The following NLGN1 variants were observed in gnomAD, a reference collection of about 807,000 sequenced individuals.
NLGN1 encodes the protein neuroligin-1.
In NLGN1, 12 loss-of-function variants were observed where a neutral mutation model predicts 65.5. The ratio of observed to expected loss-of-function variants is 0.18; its 90% CI spans 0.12 to 0.30. NLGN1 has a LOEUF of 0.30. Among genes scored for constraint, NLGN1 ranks in the 10% least tolerant of loss-of-function variants. The pLI, the probability that NLGN1 is intolerant of heterozygous loss-of-function variation, is 1.00. For synonymous variants in NLGN1, 350 were observed against 359.5 expected, an observed-to-expected ratio of 0.97 and a Z score of 0.30; for missense variants, 750 against 1,007.1, an observed-to-expected ratio of 0.74 and a Z score of 3.46.
intron 3 of NLGN1, among the ~76,000 whole-genome samples, chr3:173,689,947 G>GATT (rs1056617662): frequency 6.6e-6 from 1 of 152,112 alleles, no homozygotes; most frequent in African/African-American, 2.4e-5. Flanking sequence ...ATAAGTGGGG[G>GATT]ATTAGTGTTA....
In NLGN1 at chr3:174,275,547, ATT is replaced by A. The variant is rs1325505807; in HGVS notation, c.859+23_859+24del. 6.4e-7 allele frequency: 1 copy of A among 1,558,702 alleles called. No homozygotes were observed. Among genetic ancestry groups the A allele is most frequent in the Non-Finnish European group, 8.8e-7 (1 of 1,132,204 alleles). ...CCAAAGGTATTATGCAAGGTTGCAAATTTTGACAATTTTGGTGTCTGCATGCC... is the reference window on the plus strand; with the variant it reads ...CCAAAGGTATTATGCAAGGTTGCAAATTGACAATTTTGGTGTCTGCATGCC... On this transcript the variant is annotated intron_variant, in intron 5 of 6. Coordinates refer to ENST00000457714, the Ensembl canonical transcript of NLGN1.
intron 1 of NLGN1, among the ~76,000 whole-genome samples, chr3:173,413,339 T>C (rs373667949): frequency 3.9e-5 from 6 of 152,168 alleles, no homozygotes; most frequent in South Asian, 2.1e-4. Flanking sequence ...CTGTGGCTCA[T>C]GCCTGTAACC....
At chr3:174,069,488 AG>A (rs1739366777) in intron 4 of NLGN1, among the ~76,000 whole-genome samples, 1 of 152,222 alleles carries the variant, frequency 6.6e-6, no homozygotes, top group African/African-American at 2.4e-5. Flanking sequence ...GGAATGTCCT[AG>A]GGACAATTTT....
intron 2 of NLGN1, among the ~76,000 whole-genome samples, chr3:173,445,516 CTAG>C (rs1489000379): frequency 6.6e-6 from 1 of 152,160 alleles, no homozygotes; most frequent in East Asian, 1.9e-4. Flanking sequence ...GATCTCATAG[CTAG>C]TACATGGCTG....
At chr3:173,955,339 G>C (rs1172886248) in intron 4 of NLGN1, among the ~76,000 whole-genome samples, 1 of 152,148 alleles carries the variant, frequency 6.6e-6, no homozygotes, top group Non-Finnish European at 1.5e-5. Flanking sequence ...ATAAAGAATT[G>C]TGTGTGGCAT....
intron 2 of NLGN1, among the ~76,000 whole-genome samples, chr3:173,503,008 A>C (rs1226364527): frequency 6.6e-6 from 1 of 152,030 alleles, no homozygotes; most frequent in Non-Finnish European, 1.5e-5. Context: ...TTTGCAACTT[A>C]TACAGCCTTA....
At chr3:174,114,685 T>G (rs1251837256) in intron 4 of NLGN1, among the ~76,000 whole-genome samples, 1 of 152,192 alleles carries the variant, frequency 6.6e-6, no homozygotes, top group Non-Finnish European at 1.5e-5. Context: ...TCATATTTTA[T>G]CTAACGCTGC....
intron 2 of NLGN1, among the ~76,000 whole-genome samples, chr3:173,591,775 T>C (rs145777218): frequency 1.1e-3 from 172 of 152,236 alleles, no homozygotes; most frequent in African/African-American, 3.9e-3. Flanking sequence ...CACACAAAAA[T>C]AAGCTTAAAG....
chr3:173,415,943 A>AGAGAGAGAGAGAGAGCGC (rs141095727), intron 1 of NLGN1, among the ~76,000 whole-genome samples: 2 of 142,828 alleles, frequency 1.4e-5, no homozygotes, highest in African/African-American at 5.6e-5. Flanking sequence ...AGAGAGAGAG[A>AGAGAGAGAGAGAGAGCGC]GCTTGGTATA....
intron 3 of NLGN1, among the ~76,000 whole-genome samples, chr3:173,686,337 C>G (rs1443399448): frequency 6.6e-6 from 1 of 150,732 alleles, no homozygotes; most frequent in Non-Finnish European, 1.5e-5. Context: ...GTAAAAATTT[C>G]TTTTACTTCC....
intron 4 of NLGN1, among the ~76,000 whole-genome samples, chr3:174,141,970 T>C (rs1427683409): frequency 2.0e-5 from 3 of 152,158 alleles, no homozygotes; most frequent in Non-Finnish European, 4.4e-5. Flanking sequence ...ACACGGCTTC[T>C]TAAAATCTAG....
chr3:173,435,877 G>A (rs584267), intron 2 of NLGN1, among the ~76,000 whole-genome samples: 5,189 of 152,142 alleles, frequency 0.034, 115 homozygotes, highest in Non-Finnish European at 0.053. Context: ...AAGTCTATAC[G>A]ATGCATTTAG....
At chr3:174,144,019 A>C (rs965650351) in intron 4 of NLGN1, among the ~76,000 whole-genome samples, 2 of 152,102 alleles carry the variant, frequency 1.3e-5, no homozygotes, top group African/African-American at 4.8e-5. Flanking sequence ...TGCACCCATC[A>C]ACCCATCATC....
chr3:173,913,551 CA>C (rs1305489849), intron 4 of NLGN1, among the ~76,000 whole-genome samples: 8 of 152,084 alleles, frequency 5.3e-5, no homozygotes, highest in South Asian at 2.1e-4. Context: ...AAGGCATTGA[CA>C]GGGGCAGCTG....
intron 4 of NLGN1, among the ~76,000 whole-genome samples, chr3:174,241,884 TC>T (rs1742929329): frequency 6.6e-6 from 1 of 152,086 alleles, no homozygotes; most frequent in South Asian, 2.1e-4. Context: ...GGTCTCGATC[TC>T]CTGACCTCGT....
chr3:173,564,878 A>G (rs181808989), intron 2 of NLGN1, among the ~76,000 whole-genome samples: 169 of 152,344 alleles, frequency 1.1e-3, no homozygotes, highest in African/African-American at 3.7e-3. Context: ...ATAGGAATTC[A>G]TAAGGAAAAT....
intron 2 of NLGN1, among the ~76,000 whole-genome samples, chr3:173,589,818 GA>G (rs1433118603): frequency 1.3e-5 from 2 of 152,104 alleles, no homozygotes; most frequent in Non-Finnish European, 2.9e-5. Context: ...ATGAATGGTA[GA>G]TCTACAGGAG....
At chr3:174,092,741 A>G (rs1266086669) in intron 4 of NLGN1, among the ~76,000 whole-genome samples, 1 of 152,178 alleles carries the variant, frequency 6.6e-6, no homozygotes, top group Non-Finnish European at 1.5e-5. Flanking sequence ...TGGCCACTTC[A>G]TGAAGATATA....
intron 3 of NLGN1, among the ~76,000 whole-genome samples, chr3:173,700,811 C>G (rs1767027866): frequency 6.6e-6 from 1 of 152,146 alleles, no homozygotes; most frequent in Non-Finnish European, 1.5e-5. Context: ...TAATAGGACT[C>G]TTAAGCTCTA....
Sources: gnomAD v4.1 joint callset for allele counts (sites outside exome capture counted in the v4.1 genomes callset) on GRCh38, gnomAD v4.1.1 for gene constraint, MANE v1.5 for transcripts, NCBI Gene and HGNC (gene_info 2026-07-23, HGNC 2026-07-21) for gene names.